The following KHDRBS2 variants were observed in gnomAD, a reference collection of about 807,000 sequenced individuals.
KHDRBS2 encodes the protein KH RNA binding domain containing, signal transduction associated 2.
In KHDRBS2, 26 loss-of-function variants were observed where a neutral mutation model predicts 44.3. That is an observed-to-expected ratio of 0.59 (90% CI 0.43 to 0.81). The LOEUF is 0.81. KHDRBS2 is among the 40% of genes least tolerant of loss of function. The pLI, the probability that KHDRBS2 is intolerant of heterozygous loss-of-function variation, is 0.00. For synonymous variants in KHDRBS2, 194 were observed against 151.1 expected (o/e 1.28, Z -2.08); for missense variants, 476 against 433.1 (o/e 1.10, Z -0.88).
rs532157760 is a variant in KHDRBS2 at position 61,699,182 on chromosome 6, A to G, written c.894-1929T>C. Among the ~76,000 whole-genome samples, 3 of 152,206 alleles carry G rather than the reference A, an allele frequency of 2.0e-5. No homozygotes were observed. In the South Asian group the frequency reaches 6.2e-4, roughly 32 times the overall value. ...GCTGCTCAATGAATATTTATAGGAC[A>G]ATAGAATAAATTACTCATAGGAAGC... On this transcript the variant is annotated intron_variant, in intron 7 of 8. Coordinates refer to ENST00000281156, the MANE Select transcript of KHDRBS2 (RefSeq NM_152688.4).
chr6:61,976,110 T>C (rs1289987164), intron 4 of KHDRBS2, among the ~76,000 whole-genome samples: 2 of 152,172 alleles, frequency 1.3e-5, no homozygotes, highest in Admixed American at 1.3e-4. Context: ...CATCTGAGTC[T>C]GTATATATGG....
At chr6:62,024,060 T>G (rs2127283242) in intron 3 of KHDRBS2, among the ~76,000 whole-genome samples, 1 of 151,404 alleles carries the variant, frequency 6.6e-6, no homozygotes, top group Admixed American at 6.6e-5. Flanking sequence ...AAGTTAAATA[T>G]GTATACAATA....
chr6:61,972,977 C>G (rs542447733), intron 4 of KHDRBS2, among the ~76,000 whole-genome samples: 1 of 152,240 alleles, frequency 6.6e-6, no homozygotes, highest in East Asian at 1.9e-4. Context: ...AAAAGCCCAT[C>G]TCTACTAAAA....
intron 2 of KHDRBS2, among the ~76,000 whole-genome samples, chr6:62,127,047 G>A (rs1215592519): frequency 3.3e-5 from 5 of 152,146 alleles, no homozygotes; most frequent in Admixed American, 3.3e-4. Flanking sequence ...GTAAATAGAG[G>A]GTAATTAGGG....
At chr6:61,993,766 G>C (rs2127251739) in intron 3 of KHDRBS2, among the ~76,000 whole-genome samples, 1 of 148,826 alleles carries the variant, frequency 6.7e-6, no homozygotes, top group South Asian at 2.1e-4. Flanking sequence ...ATGTATATTG[G>C]CTATCCACAA....
chr6:62,241,512 C>A (rs186597091), intron 1 of KHDRBS2, among the ~76,000 whole-genome samples: 3 of 151,846 alleles, frequency 2.0e-5, no homozygotes, highest in Non-Finnish European at 4.4e-5. Flanking sequence ...CACTGTTCCA[C>A]ATAGTTTTAT....
chr6:61,567,083 T>G, the KHDRBS2 span, among the ~76,000 whole-genome samples: 1 of 152,216 alleles, frequency 6.6e-6, no homozygotes, highest in Non-Finnish European at 1.5e-5. Flanking sequence ...AGTTATCTCT[T>G]ATTGAAATTA....
At chr6:61,927,867 G>A (rs1359091782) in intron 4 of KHDRBS2, among the ~76,000 whole-genome samples, 1 of 152,042 alleles carries the variant, frequency 6.6e-6, no homozygotes, top group African/African-American at 2.4e-5. Context: ...ATAAAATTGT[G>A]GCATGTGATA....
chr6:61,762,917 G>A (rs58156640), intron 6 of KHDRBS2, among the ~76,000 whole-genome samples: 4,298 of 151,762 alleles, frequency 0.028, 220 homozygotes, highest in African/African-American at 0.099. Flanking sequence ...GCCTTCCCCC[G>A]ACTCAATCAA....
chr6:62,085,549 T>A (rs1798225262), intron 2 of KHDRBS2, among the ~76,000 whole-genome samples: 2 of 152,108 alleles, frequency 1.3e-5, no homozygotes. Context: ...AATGACTGCA[T>A]CTCTAGAAGT....
chr6:62,098,796 C>T (rs577252630), intron 2 of KHDRBS2, among the ~76,000 whole-genome samples: 1 of 152,150 alleles, frequency 6.6e-6, no homozygotes, highest in African/African-American at 2.4e-5. Context: ...TATTTTGATG[C>T]TACCCAATAG....
At chr6:61,956,904 T>TCATCATCA (rs1767468203) in intron 4 of KHDRBS2, among the ~76,000 whole-genome samples, 1 of 148,308 alleles carries the variant, frequency 6.7e-6, no homozygotes. Context: ...GTTATTGGTT[T>TCATCATCA]TCATCATCAT....
At chr6:61,914,132 TA>T (rs1446126713) in intron 4 of KHDRBS2, among the ~76,000 whole-genome samples, 12 of 152,054 alleles carry the variant, frequency 7.9e-5, no homozygotes, top group African/African-American at 2.4e-4. Context: ...AAGACACCAT[TA>T]TAAGCAATAC....
intron 6 of KHDRBS2, among the ~76,000 whole-genome samples, chr6:61,847,834 C>T (rs1794637261): frequency 6.6e-6 from 1 of 151,992 alleles, no homozygotes; most frequent in Non-Finnish European, 1.5e-5. Flanking sequence ...AGGTATGTTA[C>T]TTCAGAGCAA....
intron 1 of KHDRBS2, among the ~76,000 whole-genome samples, chr6:62,221,871 T>A (rs504969): frequency 0.24 from 36,478 of 151,950 alleles, 6,194 homozygotes; most frequent in African/African-American, 0.49. Context: ...TCACAAATTT[T>A]AAAAAACTGA....
the KHDRBS2 span, among the ~76,000 whole-genome samples, chr6:61,672,487 C>T: frequency 6.6e-6 from 1 of 152,216 alleles, no homozygotes; most frequent in East Asian, 1.9e-4. Flanking sequence ...TCCTATTTCT[C>T]CACATCCTCT....
chr6:62,159,433 C>G (rs185337499), intron 2 of KHDRBS2, among the ~76,000 whole-genome samples: 1 of 152,244 alleles, frequency 6.6e-6, no homozygotes, highest in Non-Finnish European at 1.5e-5. Context: ...ACTGCTGCAA[C>G]TGTGACAGGT....
At chr6:61,797,765 A>G (rs1182245427) in intron 6 of KHDRBS2, among the ~76,000 whole-genome samples, 64 of 141,788 alleles carry the variant, frequency 4.5e-4, no homozygotes, top group African/African-American at 1.5e-3. Flanking sequence ...GTGTGTGTGT[A>G]TGTATATATA....
chr6:62,094,780 A>T (rs1416291731), intron 2 of KHDRBS2, among the ~76,000 whole-genome samples: 2 of 151,752 alleles, frequency 1.3e-5, no homozygotes, highest in Non-Finnish European at 2.9e-5. Context: ...CTGCATGTCG[A>T]TATCCAGTTT....
Sources: gnomAD v4.1 joint callset for allele counts (sites outside exome capture counted in the v4.1 genomes callset) on GRCh38, gnomAD v4.1.1 for gene constraint, MANE v1.5 for transcripts, NCBI Gene and HGNC (gene_info 2026-07-23, HGNC 2026-07-21) for gene names.